The following ASIC2 variants were observed in gnomAD, a reference collection of about 807,000 sequenced individuals.
ASIC2 encodes acid sensing ion channel subunit 2, also known as acid-sensing ion channel 2.
A neutral mutation model predicts 57.3 loss-of-function variants in ASIC2; 25 were observed. The ratio of observed to expected loss-of-function variants is 0.44; its 90% CI spans 0.32 to 0.61. The LOEUF is 0.61. Ranked by LOEUF, ASIC2 falls within the 20% of genes least tolerant of loss-of-function variation. The pLI is 0.06. For missense variants in ASIC2, 641 were observed against 738.1 expected, an observed-to-expected ratio of 0.87 and a Z score of 1.52; for synonymous variants, 319 against 307.5, an observed-to-expected ratio of 1.04 and a Z score of -0.39.
intron 1 of ASIC2, among the ~76,000 whole-genome samples, chr17:33,421,098 C>A (rs537631524): frequency 6.6e-6 from 1 of 152,186 alleles, no homozygotes; most frequent in East Asian, 1.9e-4. Context: ...GAAGCAGGAG[C>A]CTTTCTCAGA....
intron 1 of ASIC2, among the ~76,000 whole-genome samples, chr17:33,649,751 G>T (rs1191989441): frequency 6.6e-6 from 1 of 152,196 alleles, no homozygotes; most frequent in Non-Finnish European, 1.5e-5. Flanking sequence ...ATTTTTGACA[G>T]AATTGCAGAA....
chr17:33,639,649 G>A (rs1276657344), intron 1 of ASIC2, among the ~76,000 whole-genome samples: 1 of 151,354 alleles, frequency 6.6e-6, no homozygotes, highest in East Asian at 2.0e-4. Context: ...CCCAAAGGGG[G>A]ACCCATTTTC....
chr17:33,919,681 TTAAAC>T (rs1197791600), intron 1 of ASIC2, among the ~76,000 whole-genome samples: 2 of 152,216 alleles, frequency 1.3e-5, no homozygotes, highest in African/African-American at 4.8e-5. Context: ...TGGGACCTAA[TTAAAC>T]TAAATCGCTC....
At chr17:33,258,580 C>A (rs926279890) in intron 1 of ASIC2, among the ~76,000 whole-genome samples, 1 of 152,078 alleles carries the variant, frequency 6.6e-6, no homozygotes, top group Non-Finnish European at 1.5e-5. Context: ...AGTACAGCGG[C>A]CCTGAGGTGG....
intron 1 of ASIC2, among the ~76,000 whole-genome samples, chr17:33,305,465 A>C (rs1323832524): frequency 1.3e-5 from 2 of 152,248 alleles, no homozygotes; most frequent in Non-Finnish European, 2.9e-5. Flanking sequence ...TTATGAAAAC[A>C]AAAAGGCTTA....
chr17:33,132,238 G>A (rs1368897088), intron 1 of ASIC2, among the ~76,000 whole-genome samples: 1 of 152,210 alleles, frequency 6.6e-6, no homozygotes, highest in African/African-American at 2.4e-5. Context: ...TATGCAATGT[G>A]AGCCAAATCG....
intron 3 of ASIC2, among the ~76,000 whole-genome samples, chr17:33,051,147 G>A (rs2091973964): frequency 6.6e-6 from 1 of 152,158 alleles, no homozygotes; most frequent in African/African-American, 2.4e-5. Context: ...ATTTCTGTAT[G>A]TCTCAGGATG....
intron 1 of ASIC2, among the ~76,000 whole-genome samples, chr17:33,795,882 T>A (rs557900922): frequency 1.8e-3 from 275 of 152,342 alleles, no homozygotes; most frequent in Admixed American, 2.7e-3. Flanking sequence ...GAAGACCAAC[T>A]CTTCCCCTTG....
intron 1 of ASIC2, among the ~76,000 whole-genome samples, chr17:33,408,684 C>A (rs1910551359): frequency 6.6e-6 from 1 of 152,112 alleles, no homozygotes; most frequent in African/African-American, 2.4e-5. Flanking sequence ...TCATGATAAA[C>A]AAATGAACAA....
At chr17:33,489,330 T>C (rs942057691) in intron 1 of ASIC2, among the ~76,000 whole-genome samples, 2 of 152,168 alleles carry the variant, frequency 1.3e-5, no homozygotes, top group Non-Finnish European at 2.9e-5. Context: ...CCCCATTATA[T>C]AACCAGGAAC....
At chr17:33,137,389 G>T (rs541082258) in intron 1 of ASIC2, among the ~76,000 whole-genome samples, 1 of 152,350 alleles carries the variant, frequency 6.6e-6, no homozygotes, top group South Asian at 2.1e-4. Context: ...CCCTCCAGGG[G>T]CTAGAATTTA....
At chr17:33,500,500 C>T (rs184523149) in intron 1 of ASIC2, among the ~76,000 whole-genome samples, 3 of 152,274 alleles carry the variant, frequency 2.0e-5, no homozygotes, top group East Asian at 3.9e-4. Flanking sequence ...AGGTCTGACA[C>T]GTGATTCTCA....
At chr17:33,369,498 T>G (rs1391032154) in intron 1 of ASIC2, among the ~76,000 whole-genome samples, 1 of 152,226 alleles carries the variant, frequency 6.6e-6, no homozygotes, top group East Asian at 1.9e-4. Context: ...CCTTGCCTCC[T>G]TCCAGGACTG....
At chr17:34,075,856 A>T (rs1598010040) in intron 1 of ASIC2, among the ~76,000 whole-genome samples, 2 of 109,790 alleles carry the variant, frequency 1.8e-5, no homozygotes, top group Non-Finnish European at 1.7e-5. Flanking sequence ...TTTGAGACAG[A>T]GTCTTGCTGT....
intron 1 of ASIC2, among the ~76,000 whole-genome samples, chr17:34,033,997 C>G (rs181397505): frequency 6.6e-5 from 10 of 152,174 alleles, no homozygotes; most frequent in Admixed American, 2.6e-4. Context: ...GGGAATCCTC[C>G]CTAACTCATT....
intron 1 of ASIC2, among the ~76,000 whole-genome samples, chr17:33,365,718 T>TAA (rs370002120): frequency 2.7e-5 from 4 of 149,042 alleles, no homozygotes; most frequent in African/African-American, 7.4e-5. Context: ...CCTGATGACT[T>TAA]AAAAAAAAAA....
At chr17:33,900,442 A>G (rs1915207786) in intron 1 of ASIC2, among the ~76,000 whole-genome samples, 1 of 152,150 alleles carries the variant, frequency 6.6e-6, no homozygotes, top group Non-Finnish European at 1.5e-5. Context: ...CCCTCCCAAC[A>G]CTGAGAATCT....
intron 1 of ASIC2, among the ~76,000 whole-genome samples, chr17:33,145,943 G>A (rs535891136): frequency 6.6e-6 from 1 of 152,310 alleles, no homozygotes; most frequent in African/African-American, 2.4e-5. Flanking sequence ...CGCCACAGCC[G>A]ACCCAGAGAC....
At chr17:33,769,320 G>A (rs1167473007) in intron 1 of ASIC2, among the ~76,000 whole-genome samples, 2 of 152,218 alleles carry the variant, frequency 1.3e-5, no homozygotes, top group Non-Finnish European at 2.9e-5. Flanking sequence ...TTGGCCGTGG[G>A]TTCTGCATGG....
Sources: gnomAD v4.1 joint callset for allele counts (sites outside exome capture counted in the v4.1 genomes callset) on GRCh38, gnomAD v4.1.1 for gene constraint, MANE v1.5 for transcripts, NCBI Gene and HGNC (gene_info 2026-07-23, HGNC 2026-07-21) for gene names.